GRAMD4: variants seen among roughly 807,000 people sequenced by gnomAD.
The protein encoded by GRAMD4 is GRAM domain containing 4, also known as GRAM domain-containing protein 4.
A neutral mutation model predicts 83.9 loss-of-function variants in GRAMD4; 25 were observed. That is an observed-to-expected ratio of 0.30 (90% confidence interval 0.22 to 0.42). The LOEUF (loss-of-function observed/expected upper bound fraction) is 0.42. Among genes scored for constraint, GRAMD4 ranks in the 10% least tolerant of loss-of-function variants. The pLI, the probability that GRAMD4 is intolerant of heterozygous loss-of-function variation, is 1.00. For missense variants in GRAMD4, 593 were observed against 788.7 expected (o/e 0.75, Z 2.97); for synonymous variants, 336 against 320.9 (o/e 1.05, Z -0.50).
At chr22:46,671,027 G>A (rs1267060074) in intron 13 of GRAMD4, 14 of 434,816 alleles carry the variant, frequency 3.2e-5, no homozygotes, top group Non-Finnish European at 5.0e-5. Context: ...CTGGCTTATC[G>A]GTGCCCATGT....
At chr22:46,651,992 A>T (rs887788847) in intron 3 of GRAMD4, among the ~76,000 whole-genome samples, 1 of 152,124 alleles carries the variant, frequency 6.6e-6, no homozygotes, top group Admixed American at 6.5e-5. Flanking sequence ...AGGTGGAAGG[A>T]AGAGGACTGT....
chr22:46,661,536 G>C, intron 5 of GRAMD4, 94 bp downstream of exon 5: 1 of 877,110 alleles, frequency 1.1e-6, no homozygotes, highest in Non-Finnish European at 1.9e-6. Flanking sequence ...CAATGGAGCA[G>C]ATACCCCCTC....
chr22:46,611,885 T>G (rs1198655435), intron 1 of GRAMD4, among the ~76,000 whole-genome samples: 2 of 147,068 alleles, frequency 1.4e-5, no homozygotes, highest in Admixed American at 1.4e-4. Context: ...TAGTCCCAGC[T>G]ACACGGGAGG....
chr22:46,653,183 T>G (rs934180365), intron 3 of GRAMD4, among the ~76,000 whole-genome samples: 3 of 152,224 alleles, frequency 2.0e-5, no homozygotes, highest in Admixed American at 2.0e-4. Flanking sequence ...ACAGGCTGAT[T>G]TGCCACGCTG....
Position 46,666,834 on chromosome 22 carries a change from G to T in GRAMD4, c.819G>T (p.Arg273=). Residue 273 remains arginine (R), a synonymous_variant, in exon 10 of 19, where the codon CGG becomes CGT. Coordinates refer to ENST00000406902, the MANE Select transcript of GRAMD4 (RefSeq NM_015124.5). The part of the protein sequence containing the change: ...SLNYLIARGW[R]IQWSIVPEVS... ...GTTTTCTGTTCGCCAGGGGGTGGCG[G>T]ATACAGTGGAGCATCGTGCCCGAAG... 1 of 1,610,210 alleles carries T rather than the reference G, an allele frequency of 6.2e-7. No individual in the cohort carries two copies. Among genetic ancestry groups the T allele is most frequent in the Non-Finnish European group, 8.5e-7 (1 of 1,178,060 alleles).
chr22:46,608,243 C>T (rs150703347), intron 1 of GRAMD4, among the ~76,000 whole-genome samples: 2 of 152,224 alleles, frequency 1.3e-5, no homozygotes, highest in Admixed American at 1.3e-4. Flanking sequence ...CTTCTCTCAT[C>T]TTCCATCAGG....
chr22:46,668,430 T>C (rs135661), intron 11 of GRAMD4, among the ~76,000 whole-genome samples: 152,045 of 152,208 alleles, frequency 1, 75,943 homozygotes, highest in Middle Eastern at 1. Flanking sequence ...AGGGTGGAGC[T>C]CCCCTCCCTC....
At chr22:46,637,731 A>T in intron 2 of GRAMD4, 109 bp from the exon 3 acceptor site, 2 of 1,155,626 alleles carry the variant, frequency 1.7e-6, no homozygotes, top group Admixed American at 2.4e-5. Flanking sequence ...TCCCTTTCAC[A>T]TGCCACTGCT....
chr22:46,579,781 T>A lies in GRAMD4; in HGVS notation c.-50+2491T>A, dbSNP rs2081079579. 2.0e-5 allele frequency among the ~76,000 whole-genome samples: 3 copies of A among 152,162 alleles called. No individual in the cohort carries two copies. In the South Asian group the frequency reaches 6.2e-4, roughly 32 times the overall value. On this transcript the variant is annotated intron_variant, in intron 1 of 1. Coordinates refer to the GRAMD4 transcript ENST00000431155. ...TGGCATTGGGGTTCCAGTCCTGTCA[T>A]GACAGGGCTCCGGCCAGGGGCTCAT...
chr22:46,611,030 C>T (rs2081411778), intron 1 of GRAMD4, among the ~76,000 whole-genome samples: 1 of 151,928 alleles, frequency 6.6e-6, no homozygotes, highest in Admixed American at 6.6e-5. Flanking sequence ...GCCTGGCCAA[C>T]ATGGTGAAAC....
intron 3 of GRAMD4, among the ~76,000 whole-genome samples, chr22:46,643,050 TCCAC>T (rs1440077988): frequency 6.8e-6 from 1 of 147,642 alleles, no homozygotes. Context: ...CATCCGTCCA[TCCAC>T]CCACCTACCC....
At chr22:46,629,082 G>A (rs1235139273) in intron 2 of GRAMD4, among the ~76,000 whole-genome samples, 1 of 152,086 alleles carries the variant, frequency 6.6e-6, no homozygotes, top group East Asian at 1.9e-4. Context: ...CCTCGAGGCT[G>A]TGAGGGGCTG....
chr22:46,673,892 A>G (rs2082553462), intron 15 of GRAMD4, 78 bp downstream of exon 15: 3 of 1,506,768 alleles, frequency 2.0e-6, no homozygotes, highest in South Asian at 1.2e-5. Flanking sequence ...CTGTGGATGC[A>G]GGACGGGGTC....
In GRAMD4 at chr22:46,621,747, C is replaced by T. The variant is rs192942698; in HGVS notation, c.-50+1182C>T. Reference sequence around the variant, plus strand: ...TGTGTCGCGGAGGGCACCCCTACCCCGGTGCAGGCGCAGGCTGGAAGTGTA... The same window carrying T: ...TGTGTCGCGGAGGGCACCCCTACCCTGGTGCAGGCGCAGGCTGGAAGTGTA... On this transcript the variant is annotated intron_variant, in intron 1 of 18. Coordinates refer to ENST00000406902, the MANE Select transcript of GRAMD4 (RefSeq NM_015124.5). This position sits in a 1 kb window ranked among gnomAD's most constrained non-coding sequence, Gnocchi z 5.8. 1.5e-3 allele frequency among the ~76,000 whole-genome samples: 224 copies of T among 151,560 alleles called. 1 individual carries two copies. The highest frequency in any genetic ancestry group is 4.7e-3 in the African/African-American group (193 of 40,922).
chr22:46,663,679 G>A (rs2082365167), intron 6 of GRAMD4, among the ~76,000 whole-genome samples, 159 bp from the exon 7 acceptor site: 1 of 152,224 alleles, frequency 6.6e-6, no homozygotes, highest in South Asian at 2.1e-4. Flanking sequence ...ACCCTGCTGT[G>A]CTGAGCCGCC....
chr22:46,583,096 G>A (rs1370905857), intron 1 of GRAMD4, among the ~76,000 whole-genome samples: 1 of 152,132 alleles, frequency 6.6e-6, no homozygotes, highest in African/African-American at 2.4e-5. Context: ...GGCTAATTTT[G>A]TATTTTTAGT....
downstream of GRAMD4, among the ~76,000 whole-genome samples, chr22:46,680,587 C>T (rs1569313402): frequency 1.4e-5 from 2 of 145,420 alleles, no homozygotes; most frequent in African/African-American, 2.5e-5. Context: ...TCCATCCATC[C>T]ATCCATCCAC....
chr22:46,663,385 C>T (rs2542038), intron 6 of GRAMD4, among the ~76,000 whole-genome samples: 54,391 of 152,136 alleles, frequency 0.36, 10,306 homozygotes, highest in African/African-American at 0.46. Context: ...GCTGCATGCG[C>T]GCACTGCTCT....
Position 46,677,210 on chromosome 22 carries a change from A to C in GRAMD4, c.1696A>C (p.Ile566Leu). The C allele has an allele frequency of 1.2e-6, 2 of 1,613,764 alleles. No homozygotes were observed. The highest frequency in any genetic ancestry group is 1.7e-6 in the Non-Finnish European group (2 of 1,179,906). ...EAFETILSQY[I>L]KITSAAASGG... Reference sequence around the variant, plus strand: ...CTTCGAGACCATTCTCAGCCAGTACATCAAGATCACCTCAGCGGCAGCGTC... The same window carrying C: ...CTTCGAGACCATTCTCAGCCAGTACCTCAAGATCACCTCAGCGGCAGCGTC... The change falls in exon 19 of 19, where the codon ATC (isoleucine) becomes CTC (leucine). Residue 566 changes from isoleucine to leucine, a missense_variant. This residue lies in a region of GRAMD4 where 74 missense variants were observed against 152.7 expected (regional missense o/e 0.48). Coordinates refer to ENST00000406902, the MANE Select transcript of GRAMD4 (RefSeq NM_015124.5).
Sources: allele counts gnomAD v4.1 joint callset (sites outside exome capture counted in the v4.1 genomes callset), GRCh38; gene constraint gnomAD v4.1.1; regional missense constraint gnomAD v4.1.1; non-coding constraint Gnocchi (gnomAD v3.1); transcripts MANE v1.5; gene names NCBI Gene and HGNC (gene_info 2026-07-23, HGNC 2026-07-21).